THEMIS: variants seen among roughly 807,000 people sequenced by gnomAD.
The protein encoded by THEMIS is protein THEMIS.
THEMIS carries 37 observed loss-of-function variants against 52.6 expected under a neutral mutation model. That is an observed-to-expected ratio of 0.70 (90% CI 0.54 to 0.93). THEMIS has a LOEUF of 0.93. THEMIS is among the 40% of genes least tolerant of loss of function. The pLI is 0.00. For missense variants in THEMIS, 808 were observed against 763.1 expected (o/e 1.06, Z -0.69); for synonymous variants, 292 against 272.7 (o/e 1.07, Z -0.70).
chr6:127,728,323 A>G (rs1026261792), intron 4 of THEMIS, among the ~76,000 whole-genome samples: 1 of 152,158 alleles, frequency 6.6e-6, no homozygotes, highest in African/African-American at 2.4e-5. Context: ...TTTCATCAAA[A>G]GCAATACATT....
chr6:127,800,320 ATCT>A (rs142774074), intron 4 of THEMIS, among the ~76,000 whole-genome samples: 10,537 of 152,078 alleles, frequency 0.069, 361 homozygotes, highest in Non-Finnish European at 0.085. Context: ...AAAAAATTCC[ATCT>A]TCTTCTCTCA....
intron 4 of THEMIS, among the ~76,000 whole-genome samples, chr6:127,810,059 T>C (rs913733831): frequency 2.0e-5 from 3 of 151,960 alleles, no homozygotes; most frequent in Non-Finnish European, 4.4e-5. Flanking sequence ...GAATCCTACA[T>C]GTACAGGTTT....
chr6:127,709,284 T>C lies in THEMIS; in HGVS notation c.*701A>G, dbSNP rs1002709150. 1.3e-5 allele frequency: 2 copies of C among 152,006 alleles called. No individual in the cohort carries two copies. The highest frequency in any genetic ancestry group is 2.1e-4 in the South Asian group (1 of 4,832). The allele number at this position is 152,006 out of a possible 1,614,324, so 9.4% of individuals were successfully genotyped here. A position where few individuals can be genotyped will look rare whatever the true frequency, so the allele number is the denominator to read the frequency against. On this transcript the variant is annotated 3_prime_UTR_variant, in exon 6 of 6. Coordinates refer to ENST00000368248, the MANE Select transcript of THEMIS (RefSeq NM_001010923.3). ...AAAGAATTATCTGGTACATAGCACA[T>C]AGAATATTAAGACATCGTCTCAGAA...
intron 1 of THEMIS, among the ~76,000 whole-genome samples, chr6:127,870,969 CACA>C (rs1365922511): frequency 6.6e-6 from 1 of 152,092 alleles, no homozygotes; most frequent in Admixed American, 6.6e-5. Flanking sequence ...AGAAGAACTC[CACA>C]ACATCATCAA....
At chr6:127,823,396 T>C in intron 3 of THEMIS, among the ~76,000 whole-genome samples, 1 of 152,176 alleles carries the variant, frequency 6.6e-6, no homozygotes, top group Non-Finnish European at 1.5e-5. Flanking sequence ...AAATATGTCA[T>C]CATAATAAGT....
At chr6:127,748,947 T>C (rs890412292) in intron 4 of THEMIS, among the ~76,000 whole-genome samples, 10 of 152,116 alleles carry the variant, frequency 6.6e-5, no homozygotes, top group African/African-American at 2.4e-4. Context: ...TTCTGAACTT[T>C]TATTGATATT....
chr6:127,722,000 T>C (rs767790913), intron 4 of THEMIS, among the ~76,000 whole-genome samples: 1 of 152,058 alleles, frequency 6.6e-6, no homozygotes, highest in African/African-American at 2.4e-5. Context: ...TATTTACTCA[T>C]AAAAGGATTG....
intron 3 of THEMIS, among the ~76,000 whole-genome samples, chr6:127,828,714 G>T (rs1778592099): frequency 6.6e-6 from 1 of 152,162 alleles, no homozygotes; most frequent in Non-Finnish European, 1.5e-5. Context: ...CAGCACTTTG[G>T]GAGGTGACGT....
At chr6:127,861,783 C>CAAAAAAAAAAAAAAAAGAAAAAAAAAA (rs1779805645) in intron 1 of THEMIS, among the ~76,000 whole-genome samples, 1 of 95,700 alleles carries the variant, frequency 1.0e-5, no homozygotes, top group African/African-American at 5.0e-5. Context: ...GACTCCATCT[C>CAAAAAAAAAAAAAAAAGAAAAAAAAAA]AAAAAAAAAA....
intron 1 of THEMIS, among the ~76,000 whole-genome samples, chr6:127,872,520 C>T (rs1322931503): frequency 6.6e-6 from 1 of 152,054 alleles, no homozygotes; most frequent in Non-Finnish European, 1.5e-5. Flanking sequence ...CGAGATTGCG[C>T]CACTGCACTG....
At chr6:127,829,430 C>G in intron 3 of THEMIS, 46 bp downstream of exon 3, 1 of 1,478,906 alleles carries the variant, frequency 6.8e-7, no homozygotes, top group Non-Finnish European at 9.1e-7. Flanking sequence ...TTCCCAAACC[C>G]CATAATGCTC....
chr6:127,844,283 G>A (rs949260371), intron 2 of THEMIS, among the ~76,000 whole-genome samples: 1 of 151,802 alleles, frequency 6.6e-6, no homozygotes, highest in African/African-American at 2.4e-5. Flanking sequence ...GTTTAGAAAA[G>A]TTTTATATGT....
At chr6:127,816,511 A>C (rs1778141555) in intron 3 of THEMIS, among the ~76,000 whole-genome samples, 1 of 152,128 alleles carries the variant, frequency 6.6e-6, no homozygotes, top group South Asian at 2.1e-4. Flanking sequence ...CAGCTATTGG[A>C]AACTCTTTTC....
chr6:127,827,582 A>G (rs1327643059), intron 3 of THEMIS, among the ~76,000 whole-genome samples: 1 of 152,230 alleles, frequency 6.6e-6, no homozygotes, highest in African/African-American at 2.4e-5. Context: ...AAATATGTTA[A>G]TATCCCCTGA....
chr6:127,844,379 A>G (rs1344762459), intron 2 of THEMIS, among the ~76,000 whole-genome samples: 1 of 151,980 alleles, frequency 6.6e-6, no homozygotes, highest in Non-Finnish European at 1.5e-5. Context: ...AGGGTAGTAG[A>G]GGATGTTCCA....
chr6:127,831,145 T>A (rs1047944754), intron 2 of THEMIS, among the ~76,000 whole-genome samples: 2 of 152,228 alleles, frequency 1.3e-5, no homozygotes, highest in African/African-American at 4.8e-5. Flanking sequence ...TTTTACTATT[T>A]CATTGATATC....
At chr6:127,725,430 CTG>C (rs143520649) in intron 4 of THEMIS, among the ~76,000 whole-genome samples, 45 of 149,244 alleles carry the variant, frequency 3.0e-4, no homozygotes, top group East Asian at 2.0e-3. Context: ...CTGTCTCCTA[CTG>C]TGTGTGTGTG....
intron 1 of THEMIS, among the ~76,000 whole-genome samples, chr6:127,883,923 T>C (rs546972908): frequency 1.3e-4 from 20 of 152,220 alleles, no homozygotes; most frequent in African/African-American, 4.8e-4. Context: ...ATCTGTGTTA[T>C]ATATATATTA....
At chr6:127,716,958 G>C (rs1056458388) in intron 5 of THEMIS, among the ~76,000 whole-genome samples, 1 of 151,802 alleles carries the variant, frequency 6.6e-6, no homozygotes, top group Non-Finnish European at 1.5e-5. Context: ...ATTCACAAAG[G>C]CTATAACATT....
Sources: allele counts gnomAD v4.1 joint callset (sites outside exome capture counted in the v4.1 genomes callset), GRCh38; gene constraint gnomAD v4.1.1; transcripts MANE v1.5; gene names NCBI Gene and HGNC (gene_info 2026-07-23, HGNC 2026-07-21).